CLSTN2: variants seen among roughly 807,000 people sequenced by gnomAD.
CLSTN2 encodes calsyntenin-2.
In CLSTN2, 48 loss-of-function variants were observed where a neutral mutation model predicts 101.2. That is an observed-to-expected ratio of 0.47 (90% CI 0.38 to 0.60). The LOEUF (loss-of-function observed/expected upper bound fraction) is 0.60. Among genes scored for constraint, CLSTN2 ranks in the 20% least tolerant of loss-of-function variants. The pLI, the probability that CLSTN2 is intolerant of heterozygous loss-of-function variation, is 0.00. For missense variants in CLSTN2, 1,160 were observed against 1,238.2 expected, an observed-to-expected ratio of 0.94 and a Z score of 0.95; for synonymous variants, 481 against 463.6, an observed-to-expected ratio of 1.04 and a Z score of -0.48.
chr3:139,996,116 T>C (rs1021322260), intron 1 of CLSTN2, among the ~76,000 whole-genome samples: 2 of 152,224 alleles, frequency 1.3e-5, no homozygotes, highest in African/African-American at 2.4e-5. Context: ...TATTATTATC[T>C]TGTTCATTTT....
intron 1 of CLSTN2, among the ~76,000 whole-genome samples, chr3:140,148,245 A>AT (rs1352464283): frequency 6.6e-6 from 1 of 152,008 alleles, no homozygotes; most frequent in African/African-American, 2.4e-5. Context: ...AGGTAAAAAC[A>AT]TTGAGTGCTG....
intron 2 of CLSTN2, among the ~76,000 whole-genome samples, chr3:140,341,595 AGC>A (rs2107936341): frequency 6.6e-6 from 1 of 152,338 alleles, no homozygotes; most frequent in African/African-American, 2.4e-5. Flanking sequence ...CAAACACCCC[AGC>A]AGTTTGGAGG....
At chr3:140,085,390 G>A (rs770742244) in intron 1 of CLSTN2, among the ~76,000 whole-genome samples, 3 of 152,108 alleles carry the variant, frequency 2.0e-5, no homozygotes, top group Non-Finnish European at 2.9e-5. Context: ...TTACATATAC[G>A]TAAGCAGGGC....
chr3:140,245,010 T>C (rs1457741301), intron 2 of CLSTN2, among the ~76,000 whole-genome samples: 1 of 152,216 alleles, frequency 6.6e-6, no homozygotes, highest in Admixed American at 6.5e-5. Flanking sequence ...TGCACAGTAC[T>C]CCAAACTTGC....
At chr3:140,332,731 G>A (rs574854577) in intron 2 of CLSTN2, among the ~76,000 whole-genome samples, 2 of 151,344 alleles carry the variant, frequency 1.3e-5, no homozygotes, top group African/African-American at 4.9e-5. Flanking sequence ...ATTATAGGAA[G>A]GATCCCTTTG....
chr3:139,978,641 T>TG (rs1935860580), intron 1 of CLSTN2, among the ~76,000 whole-genome samples: 1 of 126,162 alleles, frequency 7.9e-6, no homozygotes, highest in Admixed American at 8.3e-5. Flanking sequence ...GGATGGGGGA[T>TG]GGGGGATTGT....
chr3:140,073,219 C>A (rs1300850620), intron 1 of CLSTN2, among the ~76,000 whole-genome samples: 1 of 152,104 alleles, frequency 6.6e-6, no homozygotes, highest in Non-Finnish European at 1.5e-5. Flanking sequence ...CAAGACGATC[C>A]TGTAATGTGG....
rs200123405 is a variant in CLSTN2 at position 140,290,089 on chromosome 3, AT to A, written c.233-113536del. On this transcript the variant is annotated intron_variant, in intron 2 of 16. Coordinates refer to ENST00000458420, the MANE Select transcript of CLSTN2 (RefSeq NM_022131.3). ...GATCAAAATTCCCTTTAGTGCTCTG[AT>A]TTTGCTAATAGGCATCAGAAAAGAT... Among the ~76,000 whole-genome samples, 154 of 151,764 alleles carry A rather than the reference AT, an allele frequency of 1.0e-3. 3 individuals are homozygous for A. In the East Asian group the frequency reaches 0.028, roughly 28 times the overall value.
intron 1 of CLSTN2, among the ~76,000 whole-genome samples, chr3:140,123,798 G>A (rs1036627904): frequency 2.6e-4 from 39 of 147,466 alleles, no homozygotes; most frequent in Non-Finnish European, 1.8e-4. Context: ...GGAGAGAGAT[G>A]GAGACATATA....
At chr3:140,353,575 A>G (rs2087634580) in intron 2 of CLSTN2, among the ~76,000 whole-genome samples, 1 of 152,128 alleles carries the variant, frequency 6.6e-6, no homozygotes, top group Non-Finnish European at 1.5e-5. Flanking sequence ...ACCCTCACAG[A>G]CATACCCAGG....
chr3:140,569,573 A>G lies in CLSTN2; in HGVS notation c.*3320A>G, dbSNP rs1202360737. 1 of 152,244 alleles carries G rather than the reference A, an allele frequency of 6.6e-6. No individual in the cohort carries two copies. The highest frequency in any genetic ancestry group is 1.5e-5 in the Non-Finnish European group (1 of 68,048). 9.4% of individuals were successfully genotyped at this position (152,244 alleles called of 1,614,324 possible). ...CCTTAAAAAATACTAAACATATATCATCATACATTTGATCAAATGCTGTAA... is the reference window on the plus strand; with the variant it reads ...CCTTAAAAAATACTAAACATATATCGTCATACATTTGATCAAATGCTGTAA... On this transcript the variant is annotated 3_prime_UTR_variant, in exon 17 of 17. Transcript: ENST00000458420.
At chr3:140,374,652 A>G (rs1234617237) in intron 2 of CLSTN2, among the ~76,000 whole-genome samples, 1 of 152,262 alleles carries the variant, frequency 6.6e-6, no homozygotes, top group East Asian at 1.9e-4. Flanking sequence ...AATTTTAAAA[A>G]TAGAGCTATC....
chr3:140,563,333 A>T (rs1935956018), intron 15 of CLSTN2, 130 bp downstream of exon 15: 1 of 1,006,060 alleles, frequency 9.9e-7, no homozygotes, highest in Non-Finnish European at 1.5e-6. Flanking sequence ...CCAGCAATGG[A>T]GAAAATGTGC....
At chr3:140,277,579 A>G (rs755985812) in intron 2 of CLSTN2, among the ~76,000 whole-genome samples, 2 of 152,246 alleles carry the variant, frequency 1.3e-5, no homozygotes, top group Non-Finnish European at 2.9e-5. Flanking sequence ...TGTAATTAAG[A>G]GAACTTTTCT....
intron 5 of CLSTN2, among the ~76,000 whole-genome samples, chr3:140,427,244 T>A (rs6791069): frequency 7.8e-6 from 1 of 127,568 alleles, no homozygotes; most frequent in South Asian, 2.3e-4. Context: ...TATATATATA[T>A]ACATATATAT....
At chr3:139,948,220 A>G (rs1935242164) in intron 1 of CLSTN2, among the ~76,000 whole-genome samples, 1 of 152,128 alleles carries the variant, frequency 6.6e-6, no homozygotes, top group South Asian at 2.1e-4. Flanking sequence ...AATACTACCC[A>G]TAATGGAGAG....
chr3:140,182,865 C>G (rs2010430356), intron 2 of CLSTN2, among the ~76,000 whole-genome samples: 2 of 152,182 alleles, frequency 1.3e-5, no homozygotes, highest in South Asian at 2.1e-4. Context: ...TGGGCATACA[C>G]AGCTCCTCCT....
chr3:140,386,076 C>T (rs150816597), intron 2 of CLSTN2, among the ~76,000 whole-genome samples: 203 of 152,290 alleles, frequency 1.3e-3, no homozygotes, highest in African/African-American at 4.5e-3. Context: ...AATCACCAAC[C>T]TTTACTATGT....
At chr3:140,447,097 T>C (rs1933098688) in intron 5 of CLSTN2, among the ~76,000 whole-genome samples, 1 of 152,370 alleles carries the variant, frequency 6.6e-6, no homozygotes, top group South Asian at 2.1e-4. Context: ...AGTAGCCTTC[T>C]GGTAACTGCA....
Sources: allele counts gnomAD v4.1 joint callset (sites outside exome capture counted in the v4.1 genomes callset), GRCh38; gene constraint gnomAD v4.1.1; transcripts MANE v1.5; gene names NCBI Gene and HGNC (gene_info 2026-07-23, HGNC 2026-07-21).